Variants in MITF observed in about 807,000 individuals in gnomAD.
MITF encodes the protein microphthalmia-associated transcription factor.
Under a neutral mutation model 60.5 loss-of-function variants are expected in MITF, and 17 were observed. That is an observed-to-expected ratio of 0.28 (90% CI 0.19 to 0.42). The LOEUF (loss-of-function observed/expected upper bound fraction) is 0.42. Ranked by LOEUF, MITF falls within the 10% of genes least tolerant of loss-of-function variation. The pLI is 1.00. For missense variants in MITF, 622 were observed against 683.5 expected (o/e 0.91, Z 1.00); for synonymous variants, 260 against 248.5 (o/e 1.05, Z -0.43).
chr3:69,796,037 A>G (rs2106932473), intron 1 of MITF, among the ~76,000 whole-genome samples: 1 of 152,168 alleles, frequency 6.6e-6, no homozygotes, highest in East Asian at 1.9e-4. Context: ...GCTGGAGAGC[A>G]GTGGCACAAT....
At chr3:69,956,700 C>A (rs1484721530) in intron 8 of MITF, among the ~76,000 whole-genome samples, 170 bp downstream of exon 8, 4 of 152,108 alleles carry the variant, frequency 2.6e-5, no homozygotes, top group Admixed American at 1.3e-4. Flanking sequence ...TCTCATCAAG[C>A]TAAAATTTCA....
At chr3:69,884,978 TCATTGGG>T (rs1160121091) in intron 2 of MITF, among the ~76,000 whole-genome samples, 1 of 152,146 alleles carries the variant, frequency 6.6e-6, no homozygotes, top group Admixed American at 6.5e-5. Flanking sequence ...AATTACATGT[TCATTGGG>T]CAATATTGGC....
At chr3:69,744,437 G>A (rs1257118292) in intron 1 of MITF, among the ~76,000 whole-genome samples, 2 of 152,094 alleles carry the variant, frequency 1.3e-5, no homozygotes, top group Non-Finnish European at 2.9e-5. Context: ...AACTAACTGG[G>A]TGACCTTGGG....
chr3:69,965,597 A>G lies in MITF; in HGVS notation c.*349A>G, dbSNP rs989192432. ...TTGATTTGAGATTTTTATGCCTGTG[A>G]CTTCCTTGGAAATCAAATGTAAAGT... On this transcript the variant is annotated 3_prime_UTR_variant, in exon 10 of 10. Coordinates refer to ENST00000352241, the MANE Select transcript of MITF (RefSeq NM_001354604.2). 3.9e-6 allele frequency: 1 copy of G among 256,134 alleles called. No individual in the cohort carries two copies. The highest frequency in any genetic ancestry group is 2.2e-5 in the African/African-American group (1 of 45,720). The allele number at this position is 256,134 out of a possible 1,614,324, so 15.9% of individuals were successfully genotyped here. A position where few individuals can be genotyped will look rare whatever the true frequency, so the allele number is the denominator to read the frequency against.
chr3:69,829,037 T>C (rs1413834026), intron 1 of MITF, among the ~76,000 whole-genome samples: 1 of 152,174 alleles, frequency 6.6e-6, no homozygotes, highest in East Asian at 1.9e-4. Context: ...TGTGTGGTGC[T>C]GTCCTACAAT....
chr3:69,947,581 C>T (rs188997195), intron 5 of MITF, among the ~76,000 whole-genome samples: 1 of 152,064 alleles, frequency 6.6e-6, no homozygotes, highest in Non-Finnish European at 1.5e-5. Flanking sequence ...TTTTAAATGA[C>T]CACGATGTCT....
At chr3:69,951,337 C>T (rs997447585) in intron 6 of MITF, among the ~76,000 whole-genome samples, 1 of 151,998 alleles carries the variant, frequency 6.6e-6, no homozygotes, top group Non-Finnish European at 1.5e-5. Flanking sequence ...ACTTCCACTT[C>T]CCAAAGTGCT....
intron 1 of MITF, among the ~76,000 whole-genome samples, chr3:69,819,088 G>A (rs1316556488): frequency 3.9e-5 from 6 of 152,138 alleles, no homozygotes; most frequent in African/African-American, 1.4e-4. Flanking sequence ...AACAACTATA[G>A]TTGTTGAGTT....
Position 69,965,654 on chromosome 3 carries a change from A to G in MITF, c.*406A>G, listed in dbSNP as rs1418428207. 3 of 189,176 alleles carry G rather than the reference A, an allele frequency of 1.6e-5. No individual in the cohort carries two copies. Among genetic ancestry groups the G allele is most frequent in the Non-Finnish European group, 2.2e-5 (2 of 91,558 alleles). The allele number at this position is 189,176 out of a possible 1,614,324, so 11.7% of individuals were successfully genotyped here. ...GAAAGAATGTAAAGCAACCAAAAAG[A>G]AAAAAAAAAAGAAAGAAAGAGGAAA... On this transcript the variant is annotated 3_prime_UTR_variant, in exon 10 of 10. Coordinates refer to ENST00000352241, the MANE Select transcript of MITF (RefSeq NM_001354604.2).
At chr3:69,930,350 G>A (rs1317456709) in intron 2 of MITF, among the ~76,000 whole-genome samples, 4 of 152,120 alleles carry the variant, frequency 2.6e-5, no homozygotes, top group East Asian at 1.9e-4. Context: ...AATGAAGAAC[G>A]TGAGAGAAAA....
intron 4 of MITF, among the ~76,000 whole-genome samples, chr3:69,939,935 C>G (rs1424094406): frequency 6.6e-6 from 1 of 152,162 alleles, no homozygotes; most frequent in East Asian, 1.9e-4. Flanking sequence ...AAAATCATCT[C>G]TTAAAGACAA....
chr3:69,762,750 C>A (rs188713981), intron 1 of MITF: 7 of 222,798 alleles, frequency 3.1e-5, no homozygotes. Flanking sequence ...AGATTGAATC[C>A]TCATCTCTCC....
chr3:69,897,225 G>A (rs1442149933), intron 2 of MITF, among the ~76,000 whole-genome samples: 1 of 152,136 alleles, frequency 6.6e-6, no homozygotes, highest in African/African-American at 2.4e-5. Flanking sequence ...TGGTGGAGAT[G>A]GTGGCGTTGG....
At chr3:69,917,765 G>A (rs2065368754) in intron 2 of MITF, among the ~76,000 whole-genome samples, 1 of 151,972 alleles carries the variant, frequency 6.6e-6, no homozygotes, top group Admixed American at 6.6e-5. Flanking sequence ...GGATCTTGGT[G>A]GGCAGGTTGG....
intron 2 of MITF, among the ~76,000 whole-genome samples, chr3:69,917,455 G>A (rs2065361249): frequency 6.6e-6 from 1 of 150,570 alleles, no homozygotes; most frequent in South Asian, 2.1e-4. Context: ...GATGAGGGTG[G>A]TTCATTCATG....
At chr3:69,812,434 G>A (rs1222221898) in intron 1 of MITF, among the ~76,000 whole-genome samples, 1 of 152,194 alleles carries the variant, frequency 6.6e-6, no homozygotes, top group Non-Finnish European at 1.5e-5. Context: ...ACAGAGCTAG[G>A]AGAGAAGAGA....
chr3:69,755,928 T>C (rs1704130224), intron 1 of MITF, among the ~76,000 whole-genome samples: 1 of 152,156 alleles, frequency 6.6e-6, no homozygotes, highest in South Asian at 2.1e-4. Context: ...CTACTACTGG[T>C]GTCATTGCTA....
Position 69,956,547 on chromosome 3 carries a change from G to A in MITF, c.1031+17G>A, listed in dbSNP as rs2066403553. 6.3e-7 allele frequency: 1 copy of A among 1,593,812 alleles called. No individual in the cohort carries two copies. ...AAATGATCCGTGAGTACAATCGCGTGTTAATCTGCATCATATATTTTTCGT... is the reference window on the plus strand; with the variant it reads ...AAATGATCCGTGAGTACAATCGCGTATTAATCTGCATCATATATTTTTCGT... On this transcript the variant is annotated intron_variant, in intron 8 of 9. Transcript: ENST00000352241.
intron 2 of MITF, among the ~76,000 whole-genome samples, chr3:69,923,703 C>T (rs990280776): frequency 6.6e-6 from 1 of 152,182 alleles, no homozygotes; most frequent in African/African-American, 2.4e-5. Flanking sequence ...AAATTCCTAC[C>T]TATATTCTCC....
Sources: gnomAD v4.1 joint callset for allele counts (sites outside exome capture counted in the v4.1 genomes callset) on GRCh38, gnomAD v4.1.1 for gene constraint, MANE v1.5 for transcripts, NCBI Gene and HGNC (gene_info 2026-07-23, HGNC 2026-07-21) for gene names.